LHFPL1: variants seen among roughly 807,000 people sequenced by gnomAD.
The protein encoded by LHFPL1 is LHFPL tetraspan subfamily member 1 protein.
LHFPL1 carries 4 observed loss-of-function variants against 12.1 expected under a neutral mutation model. The observed-to-expected ratio is 0.33, with a 90% CI of 0.16 to 0.76. The LOEUF is 0.76. Ranked by LOEUF, LHFPL1 falls within the 30% of genes least tolerant of loss-of-function variation. The pLI is 0.61. For synonymous variants in LHFPL1, 52 were observed against 61.9 expected, an observed-to-expected ratio of 0.84 and a Z score of 0.75; for missense variants, 141 against 174.1, an observed-to-expected ratio of 0.81 and a Z score of 1.07.
intron 1 of LHFPL1, 63 bp from the exon 2 acceptor site, chrX:112,671,467 C>T (rs748925778): frequency 3.3e-6 from 4 of 1,199,798 alleles, no homozygotes; most frequent in Non-Finnish European, 4.5e-6. Flanking sequence ...CATGTAGGCT[C>T]CACTGGCCTA....
chrX:112,635,246 C>T (rs889689272), intron 3 of LHFPL1, among the ~76,000 whole-genome samples: 1 of 112,463 alleles, frequency 8.9e-6, no homozygotes, highest in Non-Finnish European at 1.9e-5. Context: ...GTATTGAGTA[C>T]CGACTATATG....
chrX:112,636,807 C>A (rs1341990092), intron 3 of LHFPL1, among the ~76,000 whole-genome samples: 1 of 112,195 alleles, frequency 8.9e-6, no homozygotes, highest in Non-Finnish European at 1.9e-5. Flanking sequence ...TCCTTAAAGT[C>A]CCTTGAGAAA....
At position 112,660,496 on chromosome X, in the gene LHFPL1, AC is replaced by A; in HGVS notation, c.481+130del. 9.8e-6 allele frequency: 5 copies of A among 512,203 alleles called. No individual in the cohort carries two copies. The South Asian group carries it at 1.6e-4, about 17-fold the overall frequency. 42.2% of individuals were successfully genotyped at this position (512,203 alleles called of 1,213,427 possible). A position where few individuals can be genotyped will look rare whatever the true frequency, so the allele number is the denominator to read the frequency against. On this transcript the variant is annotated intron_variant, in intron 3 of 3. Transcript: ENST00000371968. ...GCCAACTCTTGTGAGTTAAGCTACC[AC>A]TTCCCATAAGCTAACACAGTGAGAG...
At chrX:112,672,502 T>C (rs1931538408) in intron 1 of LHFPL1, among the ~76,000 whole-genome samples, 1 of 111,640 alleles carries the variant, frequency 9.0e-6, no homozygotes, top group South Asian at 3.8e-4. Flanking sequence ...TGCAGCTTGA[T>C]GACAGCACTG....
chrX:112,674,844 T>C (rs1452828738), intron 1 of LHFPL1, among the ~76,000 whole-genome samples: 1 of 111,952 alleles, frequency 8.9e-6, no homozygotes, highest in Non-Finnish European at 1.9e-5. Flanking sequence ...GGTGGGAATG[T>C]ACACTAGCAC....
chrX:112,648,470 C>T (rs1490235163), intron 3 of LHFPL1, among the ~76,000 whole-genome samples: 1 of 111,107 alleles, frequency 9.0e-6, no homozygotes, highest in South Asian at 3.8e-4. Flanking sequence ...ATTTTTATGT[C>T]CTCTTCCTCA....
chrX:112,663,656 G>A (rs1931253376), intron 2 of LHFPL1, among the ~76,000 whole-genome samples: 6 of 112,038 alleles, frequency 5.4e-5, no homozygotes, highest in Admixed American at 3.8e-4. Flanking sequence ...CTTTTTCCCC[G>A]ATCAAAGAGA....
intron 1 of LHFPL1, among the ~76,000 whole-genome samples, chrX:112,673,827 T>C (rs967695233): frequency 1.8e-5 from 2 of 111,628 alleles, no homozygotes; most frequent in Non-Finnish European, 3.8e-5. Context: ...TGATTTCCCA[T>C]AGAGATTTTC....
chrX:112,663,695 T>C (rs182506455), intron 2 of LHFPL1, among the ~76,000 whole-genome samples: 15 of 112,141 alleles, frequency 1.3e-4, no homozygotes, highest in Non-Finnish European at 2.6e-4. Flanking sequence ...GGCTCTGTCC[T>C]TCTAGAGACA....
intron 1 of LHFPL1, among the ~76,000 whole-genome samples, chrX:112,671,902 T>C (rs1480163164): frequency 9.0e-6 from 1 of 111,200 alleles, no homozygotes; most frequent in Non-Finnish European, 1.9e-5. Flanking sequence ...AGACAACTTA[T>C]CAAGACCCGC....
At chrX:112,677,968 G>A (rs1039211855) in intron 1 of LHFPL1, among the ~76,000 whole-genome samples, 5 of 110,096 alleles carry the variant, frequency 4.5e-5, no homozygotes, top group African/African-American at 1.6e-4. Context: ...ACTGTGTTGG[G>A]TGAGTTTATG....
intron 2 of LHFPL1, among the ~76,000 whole-genome samples, chrX:112,666,138 A>T (rs2147725520): frequency 8.9e-6 from 1 of 111,996 alleles, no homozygotes; most frequent in Admixed American, 9.4e-5. Context: ...CTTTCCAAAC[A>T]TAATTATTGG....
In LHFPL1 at chrX:112,670,999, A is replaced by G. The variant is rs765628174; in HGVS notation, c.382+10T>C. 2.5e-6 allele frequency: 3 copies of G among 1,197,538 alleles called. No individual in the cohort carries two copies. The African/African-American group carries it at 5.3e-5, about 21-fold the overall frequency. On this transcript the variant is annotated intron_variant, in intron 2 of 3. Transcript: ENST00000371968. ...ACCCAACCTACCCAATCCCAGAAGC[A>G]CAGTCTTACCTCCAACAAACTGCGC...
At chrX:112,656,612 A>G (rs1346568220) in intron 3 of LHFPL1, among the ~76,000 whole-genome samples, 5 of 111,963 alleles carry the variant, frequency 4.5e-5, no homozygotes, top group East Asian at 2.8e-4. Context: ...TTGTATCTAG[A>G]AAATTTTAAG....
At chrX:112,645,738 A>G (rs1930666653) in intron 3 of LHFPL1, among the ~76,000 whole-genome samples, 1 of 112,009 alleles carries the variant, frequency 8.9e-6, no homozygotes, top group African/African-American at 3.2e-5. Context: ...AGTCCATAAA[A>G]TCTTCATTTG....
At chrX:112,671,892 A>G (rs2147731473) in intron 1 of LHFPL1, among the ~76,000 whole-genome samples, 1 of 111,535 alleles carries the variant, frequency 9.0e-6, no homozygotes, top group East Asian at 2.8e-4. Context: ...AGGAGAAGGA[A>G]GACAACTTAT....
Position 112,679,029 on chromosome X carries a change from C to A in LHFPL1, c.-15+800G>T, listed in dbSNP as rs180863063. On this transcript the variant is annotated intron_variant, in intron 1 of 3. Transcript: ENST00000371968. ...CCTAACACCAGAGTAGGTATCAATT[C>A]TCTCCCTTTCTACCAGAAAAGACCC... is the stretch of plus-strand genomic sequence containing the variant. Among the ~76,000 whole-genome samples, 202 of 111,533 alleles carry A rather than the reference C, an allele frequency of 1.8e-3. 1 individual carries two copies. The highest frequency in any genetic ancestry group is 3.1e-3 in the Non-Finnish European group (164 of 53,075).
chrX:112,635,022 T>C (rs939769999), intron 3 of LHFPL1, among the ~76,000 whole-genome samples: 8 of 112,302 alleles, frequency 7.1e-5, no homozygotes, highest in African/African-American at 2.6e-4. Flanking sequence ...AAAGCCACTG[T>C]CAGCACTCAG....
rs141780145 is a variant in LHFPL1, at chrX:112,647,158, G to A, written c.481+13469C>T. On this transcript the variant is annotated intron_variant, in intron 3 of 3. Transcript: ENST00000371968. ...TAGAATTAAGTGCTATTTATAACAC[G>A]ACAGTTTTATAAGCTTACTTAAAAG... Among the ~76,000 whole-genome samples, 1,085 of 111,898 alleles carry A rather than the reference G, an allele frequency of 9.7e-3. 6 individuals are homozygous for A. The highest frequency in any genetic ancestry group is 0.015 in the Admixed American group (158 of 10,552).
Sources: gnomAD v4.1 joint callset for allele counts (sites outside exome capture counted in the v4.1 genomes callset) on GRCh38, gnomAD v4.1.1 for gene constraint, MANE v1.5 for transcripts, NCBI Gene and HGNC (gene_info 2026-07-23, HGNC 2026-07-21) for gene names.